Variants in HOOK3 observed in about 807,000 individuals in gnomAD.
The protein encoded by HOOK3 is hook microtubule tethering protein 3, also known as protein Hook homolog 3.
A neutral mutation model predicts 116.3 loss-of-function variants in HOOK3; 24 were observed. That is an observed-to-expected ratio of 0.21 (90% confidence interval 0.15 to 0.29). HOOK3 has a LOEUF of 0.29. Among genes scored for constraint, HOOK3 ranks in the 10% least tolerant of loss-of-function variants. The pLI, the probability that HOOK3 is intolerant of heterozygous loss-of-function variation, is 1.00. For missense variants in HOOK3, 632 were observed against 830.2 expected, an observed-to-expected ratio of 0.76 and a Z score of 2.93; for synonymous variants, 275 against 283.0, an observed-to-expected ratio of 0.97 and a Z score of 0.28.
intron 21 of HOOK3, among the ~76,000 whole-genome samples, chr8:43,014,062 C>T (rs796507954): frequency 1.3e-5 from 2 of 152,008 alleles, no homozygotes; most frequent in African/African-American, 2.4e-5. Context: ...GCCAGGTGGG[C>T]GGATCACGAG....
At chr8:42,897,223 C>T (rs1025833702) in intron 1 of HOOK3, 35 bp downstream of exon 1, 13 of 1,217,916 alleles carry the variant, frequency 1.1e-5, no homozygotes, top group South Asian at 4.2e-5. Flanking sequence ...GGAAGACCCC[C>T]TCCCCCCGCC....
At chr8:42,919,913 GCATCAGAGGGAGAC>G (rs2130348384) in intron 2 of HOOK3, among the ~76,000 whole-genome samples, 1 of 152,014 alleles carries the variant, frequency 6.6e-6, no homozygotes, top group East Asian at 1.9e-4. Context: ...CCTTGGCTCG[GCATCAGAGGGAGAC>G]CATACAAAAA....
At chr8:42,941,689 T>C (rs1364284353) in intron 4 of HOOK3, among the ~76,000 whole-genome samples, 1 of 152,110 alleles carries the variant, frequency 6.6e-6, no homozygotes, top group African/African-American at 2.4e-5. Flanking sequence ...TTATTTAGAA[T>C]AAAACTCACA....
chr8:42,906,276 A>ATCTT lies in HOOK3; in HGVS notation c.143+20_143+23dup. The ATCTT allele has an allele frequency of 6.6e-7, 1 of 1,518,642 alleles. No homozygotes were observed. The highest frequency in any genetic ancestry group is 9.1e-7 in the Non-Finnish European group (1 of 1,096,858). The allele number at this position is 1,518,642 out of a possible 1,614,324, so 94.1% of individuals were successfully genotyped here. A position where few individuals can be genotyped will look rare whatever the true frequency, so the allele number is the denominator to read the frequency against. ...CAAAAGATGTAAGAATAAATTGCTTATCTTTATGTGTATTCTTATGCATGG... is the reference window on the plus strand; with the variant it reads ...CAAAAGATGTAAGAATAAATTGCTTATCTTTCTTTATGTGTATTCTTATGCATGG... On this transcript the variant is annotated intron_variant, in intron 2 of 21. Transcript: ENST00000307602.
chr8:42,959,435 AT>A, intron 8 of HOOK3, 121 bp downstream of exon 8: 1 of 649,452 alleles, frequency 1.5e-6, no homozygotes, highest in Non-Finnish European at 2.6e-6. Context: ...TAGGGAAAAA[AT>A]GGCTGGGCGC....
intron 2 of HOOK3, among the ~76,000 whole-genome samples, chr8:42,924,958 C>T (rs184914222): frequency 1.3e-4 from 20 of 151,328 alleles, no homozygotes; most frequent in South Asian, 6.3e-4. Flanking sequence ...GCCTGAGTGA[C>T]GGAGCGAGAC....
In HOOK3 at chr8:42,990,106, T is replaced by G. The variant is rs553235950; in HGVS notation, c.1532+3311T>G. Reference sequence around the variant, plus strand: ...CAACCTCCCAGGCTCAAACTGTCCTTCCATGTCAGCCTCTAAGTAGCTGGA... The same window carrying G: ...CAACCTCCCAGGCTCAAACTGTCCTGCCATGTCAGCCTCTAAGTAGCTGGA... On this transcript the variant is annotated intron_variant, in intron 15 of 21. Coordinates refer to ENST00000307602, the MANE Select transcript of HOOK3 (RefSeq NM_032410.4). Among the ~76,000 whole-genome samples, 15 of 151,346 alleles carry G rather than the reference T, an allele frequency of 9.9e-5. No individual in the cohort carries two copies. The South Asian group carries it at 3.1e-3, about 32-fold the overall frequency.
intron 1 of HOOK3, among the ~76,000 whole-genome samples, chr8:42,901,790 C>T (rs1403900202): frequency 6.6e-6 from 1 of 152,148 alleles, no homozygotes; most frequent in East Asian, 1.9e-4. Flanking sequence ...CGGCTCACTG[C>T]AACCTCCACC....
At chr8:42,991,778 T>A (rs1809165868) in intron 15 of HOOK3, among the ~76,000 whole-genome samples, 1 of 151,974 alleles carries the variant, frequency 6.6e-6, no homozygotes. Context: ...AGTGGAGAAC[T>A]GGGTCTCACT....
At chr8:42,917,825 T>C (rs951623317) in intron 2 of HOOK3, among the ~76,000 whole-genome samples, 1 of 152,250 alleles carries the variant, frequency 6.6e-6, no homozygotes, top group Non-Finnish European at 1.5e-5. Context: ...CTATCCATTA[T>C]GTACCTGTAT....
intron 15 of HOOK3, among the ~76,000 whole-genome samples, chr8:42,996,257 G>A (rs138396587): frequency 0.012 from 1,887 of 151,936 alleles, 42 homozygotes; most frequent in African/African-American, 0.041. Flanking sequence ...ATGGTGGTGC[G>A]CATCTGTAAT....
chr8:43,011,192 A>G (rs1809604490), intron 19 of HOOK3, among the ~76,000 whole-genome samples: 1 of 151,934 alleles, frequency 6.6e-6, no homozygotes, highest in Non-Finnish European at 1.5e-5. Flanking sequence ...ACAGGGTTTC[A>G]CTGTGTTAGC....
In HOOK3 at chr8:43,029,145, TTTTA is replaced by T. The variant is rs888156465; in HGVS notation, c.*10667_*10670del. 42 of 176,880 alleles carry T rather than the reference TTTTA, an allele frequency of 2.4e-4. No homozygotes were observed. The highest frequency in any genetic ancestry group is 3.5e-4 in the African/African-American group (15 of 42,344). The allele number at this position is 176,880 out of a possible 1,614,324, so 11.0% of individuals were successfully genotyped here. ...CCTTTTAATGTCTTTAACAGCAATC[TTTTA>T]TTTATTTATTTATTTATTTTTGAGA... is the stretch of plus-strand genomic sequence containing the variant. On this transcript the variant is annotated 3_prime_UTR_variant, in exon 22 of 22. Coordinates refer to ENST00000307602, the MANE Select transcript of HOOK3 (RefSeq NM_032410.4).
chr8:42,919,368 T>C (rs1380457535), intron 2 of HOOK3, among the ~76,000 whole-genome samples: 2 of 140,124 alleles, frequency 1.4e-5, no homozygotes, highest in African/African-American at 5.5e-5. Context: ...GCAGAGGCGC[T>C]CTTCACATCT....
chr8:42,950,159 C>T (rs554631370), intron 5 of HOOK3, among the ~76,000 whole-genome samples: 1 of 152,224 alleles, frequency 6.6e-6, no homozygotes, highest in South Asian at 2.1e-4. Flanking sequence ...TGACCTGTAG[C>T]TGTAGCCTCA....
In HOOK3 at chr8:43,029,142, A is replaced by G. The variant is rs1809985606; in HGVS notation, c.*10644A>G. ...GGGCCTTTTAATGTCTTTAACAGCA[A>G]TCTTTTATTTATTTATTTATTTATT... On this transcript the variant is annotated 3_prime_UTR_variant, in exon 22 of 22. Transcript: ENST00000307602. The G allele has an allele frequency of 5.6e-6, 1 of 177,834 alleles. No individual in the cohort carries two copies. Among genetic ancestry groups the G allele is most frequent in the African/African-American group, 2.4e-5 (1 of 42,256 alleles). The allele number at this position is 177,834 out of a possible 1,614,324, so 11.0% of individuals were successfully genotyped here.
chr8:42,901,463 G>T (rs552898386), intron 1 of HOOK3, among the ~76,000 whole-genome samples: 1 of 152,176 alleles, frequency 6.6e-6, no homozygotes, highest in South Asian at 2.1e-4. Context: ...TTTTTAGTAT[G>T]ATCACAAGAT....
intron 1 of HOOK3, 48 bp downstream of exon 1, chr8:42,897,236 C>G: frequency 8.4e-7 from 1 of 1,187,202 alleles, no homozygotes; most frequent in East Asian, 3.2e-5. Flanking sequence ...CCCCCGCCAC[C>G]TACCGGGACC....
intron 15 of HOOK3, among the ~76,000 whole-genome samples, chr8:42,993,461 G>T (rs1466025896): frequency 6.6e-6 from 1 of 151,562 alleles, no homozygotes; most frequent in East Asian, 1.9e-4. Flanking sequence ...GTTTTGTTTT[G>T]TTTTTTTTCT....
Sources: gnomAD v4.1 joint callset for allele counts (sites outside exome capture counted in the v4.1 genomes callset) on GRCh38, gnomAD v4.1.1 for gene constraint, MANE v1.5 for transcripts, NCBI Gene and HGNC (gene_info 2026-07-23, HGNC 2026-07-21) for gene names.